DYSF: variants seen among roughly 807,000 people sequenced by gnomAD.
The protein encoded by DYSF is dysferlin.
Under a neutral mutation model 274.9 loss-of-function variants are expected in DYSF, and 212 were observed. The ratio of observed to expected loss-of-function variants is 0.77; its 90% CI spans 0.69 to 0.86. DYSF has a LOEUF of 0.86. Among genes scored for constraint, DYSF ranks in the 40% least tolerant of loss-of-function variants. DYSF has a pLI of 0.00. For missense variants in DYSF, 2,666 were observed against 2,783.2 expected, an observed-to-expected ratio of 0.96 and a Z score of 0.95; for synonymous variants, 1,091 against 1,078.7, an observed-to-expected ratio of 1.01 and a Z score of -0.22.
In DYSF at chr2:71,568,330, G is replaced by A. The variant is rs34836829; in HGVS notation, c.2856G>A (p.Pro952=). 60,239 of 1,614,078 alleles carry A rather than the reference G, an allele frequency of 0.037. 1,366 individuals are homozygous for A. Among genetic ancestry groups the A allele is most frequent in the Non-Finnish European group, 0.042 (49,821 of 1,179,962 alleles). The change falls in exon 26 of 56, where the codon CCG becomes CCA. Residue 952 remains proline (P), a synonymous_variant. Coordinates refer to ENST00000410020, the MANE Select transcript of DYSF (RefSeq NM_001130987.2). ...GGGCTGGAGATTGGTTCGTGTGTCC[G>A]GAGAAGACGTGAGTCGTGGGCAGGG... is the stretch of plus-strand genomic sequence containing the variant. ...WTWAGDWFVC[P]EKTLLHDMDA... is the part of the protein sequence containing the mutation.
intron 12 of DYSF, among the ~76,000 whole-genome samples, chr2:71,523,105 G>A (rs1324058659): frequency 6.6e-6 from 1 of 152,218 alleles, no homozygotes; most frequent in Non-Finnish European, 1.5e-5. Flanking sequence ...AATTGGCACA[G>A]TGCTTCGGCA....
chr2:71,673,978 C>T (rs2095175031), intron 51 of DYSF, among the ~76,000 whole-genome samples: 1 of 152,162 alleles, frequency 6.6e-6, no homozygotes, highest in African/African-American at 2.4e-5. Flanking sequence ...ATGGAGCCAT[C>T]TTATGTGAAC....
At chr2:71,648,129 T>A (rs895188404) in intron 42 of DYSF, among the ~76,000 whole-genome samples, 1 of 152,008 alleles carries the variant, frequency 6.6e-6, no homozygotes, top group Admixed American at 6.5e-5. Context: ...GAAAAGAAAA[T>A]CAAAATGAAA....
chr2:71,570,004 C>A, intron 27 of DYSF, 70 bp downstream of exon 27: 1 of 1,382,718 alleles, frequency 7.2e-7, no homozygotes, highest in Non-Finnish European at 1.0e-6. Context: ...TGCTCAGGGA[C>A]AGGTGGGGCA....
chr2:71,611,252 A>T lies in DYSF; in HGVS notation c.3965A>T (p.Asp1322Val). The T allele has an allele frequency of 6.2e-7, 1 of 1,613,080 alleles. No individual in the cohort carries two copies. The highest frequency in any genetic ancestry group is 8.5e-7 in the Non-Finnish European group (1 of 1,179,156). ...ETSRILDESE[D>V]TDLPYPPPQR... ...ACCTGCTGTCCACTGCAGTCTGAGG[A>T]CACAGACCTGCCCTACCCACCACCC... Residue 1322 changes from aspartate to valine, a missense_variant, in exon 37 of 56, where the codon GAC (aspartate) becomes GTC (valine). Physicochemically the swap from Asp to Val is radical, Grantham distance 152 (BLOSUM62 -3). Transcript: ENST00000410020.
intron 24 of DYSF, among the ~76,000 whole-genome samples, chr2:71,565,163 C>A (rs1410825468): frequency 1.3e-5 from 2 of 151,964 alleles, no homozygotes; most frequent in African/African-American, 2.4e-5. Flanking sequence ...TCACTGCAGC[C>A]TCCGCCTCAC....
At chr2:71,632,899 G>C (rs767196014) in intron 41 of DYSF, among the ~76,000 whole-genome samples, 3 of 152,214 alleles carry the variant, frequency 2.0e-5, no homozygotes, top group Non-Finnish European at 4.4e-5. Context: ...CAAGTGATCA[G>C]GTCCCCTTGC....
intron 55 of DYSF, among the ~76,000 whole-genome samples, chr2:71,684,937 G>A (rs1455304614): frequency 6.6e-6 from 1 of 152,186 alleles, no homozygotes; most frequent in East Asian, 1.9e-4. Flanking sequence ...CCTGGCTGCT[G>A]TATATTAAGC....
intron 45 of DYSF, among the ~76,000 whole-genome samples, chr2:71,663,747 G>T: frequency 6.6e-6 from 1 of 152,184 alleles, no homozygotes; most frequent in East Asian, 1.9e-4. Flanking sequence ...CCCAGAAGTG[G>T]ATGTGAAGAG....
At chr2:71,506,498 A>AC (rs146752178) in intron 4 of DYSF, among the ~76,000 whole-genome samples, 34,359 of 151,894 alleles carry the variant, frequency 0.23, 4,319 homozygotes, top group African/African-American at 0.33. Context: ...TGAGTTGGAG[A>AC]CTGAGGACCT....
In DYSF at chr2:71,663,043, G is replaced by A. The variant is rs547628921; in HGVS notation, c.5004-1225G>A. Among the ~76,000 whole-genome samples, 63 of 149,512 alleles carry A rather than the reference G, an allele frequency of 4.2e-4. 1 individual carries two copies. The highest frequency in any genetic ancestry group is 6.3e-4 in the Non-Finnish European group (42 of 66,576). ...TGTTTACGTGTGTGTGTGTGTGTGC[G>A]CGCACGCGCGTGGTGTAGGGAAGGA... is the stretch of plus-strand genomic sequence containing the variant. On this transcript the variant is annotated intron_variant, in intron 45 of 55. Transcript: ENST00000410020.
chr2:71,600,631 C>G, intron 33 of DYSF, 71 bp from the exon 34 acceptor site: 2 of 1,608,842 alleles, frequency 1.2e-6, no homozygotes, highest in African/African-American at 1.3e-5. Context: ...ACATGTAGAC[C>G]TGATCTCTCT....
intron 17 of DYSF, among the ~76,000 whole-genome samples, chr2:71,542,079 T>C (rs924321902): frequency 1.3e-5 from 2 of 152,158 alleles, no homozygotes; most frequent in African/African-American, 4.8e-5. Context: ...CCAACTTGGG[T>C]TCAAATGCTC....
chr2:71,590,593 C>T (rs1006376907), intron 32 of DYSF, among the ~76,000 whole-genome samples: 2 of 152,176 alleles, frequency 1.3e-5, no homozygotes, highest in Admixed American at 1.3e-4. Context: ...CTCCTTGATG[C>T]TTCATTGCCC....
chr2:71,633,303 A>G (rs2094345423), intron 41 of DYSF, among the ~76,000 whole-genome samples: 1 of 152,156 alleles, frequency 6.6e-6, no homozygotes, highest in Admixed American at 6.6e-5. Flanking sequence ...TGTAGGCATG[A>G]GTAATTTTAT....
At chr2:71,641,621 A>G (rs1171704605) in intron 41 of DYSF, among the ~76,000 whole-genome samples, 1 of 152,162 alleles carries the variant, frequency 6.6e-6, no homozygotes, top group Non-Finnish European at 1.5e-5. Context: ...CCTTTTGTAT[A>G]AAAGTGAAAA....
At chr2:71,601,608 G>A (rs1048933536) in intron 35 of DYSF, 80 bp downstream of exon 35, 2 of 1,591,912 alleles carry the variant, frequency 1.3e-6, no homozygotes, top group Admixed American at 1.7e-5. Flanking sequence ...GTTAGGAAGG[G>A]TGGCCAGGCA....
chr2:71,473,272 AGG>A (rs2082166496), intron 1 of DYSF, among the ~76,000 whole-genome samples: 1 of 152,208 alleles, frequency 6.6e-6, no homozygotes, highest in Non-Finnish European at 1.5e-5. Flanking sequence ...AGCCCACGCT[AGG>A]GCCATCTTTT....
chr2:71,579,715 C>T (rs933716149), intron 30 of DYSF, among the ~76,000 whole-genome samples: 6 of 152,148 alleles, frequency 3.9e-5, no homozygotes, highest in Non-Finnish European at 7.3e-5. Flanking sequence ...AGCCACTAGC[C>T]GTGGGTGGCT....
Sources: allele counts gnomAD v4.1 joint callset (sites outside exome capture counted in the v4.1 genomes callset), GRCh38; gene constraint gnomAD v4.1.1; transcripts MANE v1.5; gene names NCBI Gene and HGNC (gene_info 2026-07-23, HGNC 2026-07-21).